Variants in PCDHGA1 observed in about 807,000 individuals in gnomAD.
The protein encoded by PCDHGA1 is protocadherin gamma subfamily A, 1.
PCDHGA1 carries 32 observed loss-of-function variants against 58.0 expected under a neutral mutation model. That is an observed-to-expected ratio of 0.55 (90% CI 0.42 to 0.74). The LOEUF is 0.74. Among genes scored for constraint, PCDHGA1 ranks in the 30% least tolerant of loss-of-function variants. The probability of loss-of-function intolerance (pLI) is 0.00; values close to 1 mark genes in which losing one functional copy is unlikely to be tolerated. For synonymous variants in PCDHGA1, 498 were observed against 501.1 expected (o/e 0.99, Z 0.08); for missense variants, 1,205 against 1,182.3 (o/e 1.02, Z -0.28).
chr5:141,426,676 A>T (rs1209949988), intron 1 of PCDHGA1: 4 of 431,700 alleles, frequency 9.3e-6, no homozygotes, highest in Non-Finnish European at 1.9e-5. Context: ...AACCCACCTC[A>T]TTTTCCCCAA....
chr5:141,419,610 C>T (rs779657777), intron 1 of PCDHGA1: 162 of 1,612,012 alleles, frequency 1.0e-4, no homozygotes, highest in Non-Finnish European at 1.3e-4. Flanking sequence ...GCCGCGCAGC[C>T]AGGCTACCTG....
chr5:141,372,305 C>G, intron 1 of PCDHGA1: 2 of 1,613,260 alleles, frequency 1.2e-6, no homozygotes, highest in South Asian at 1.1e-5. Context: ...ACAGGGAGGC[C>G]GCCCGCCAGC....
Position 141,431,625 on chromosome 5 carries a change from C to T in PCDHGA1, c.2422-63182C>T. The T allele has an allele frequency of 6.2e-7, 1 of 1,614,224 alleles. No individual in the cohort carries two copies. Among genetic ancestry groups the T allele is most frequent in the South Asian group, 1.1e-5 (1 of 91,082 alleles). On this transcript the variant is annotated intron_variant, in intron 1 of 3. Transcript: ENST00000517417. This position sits in a 1 kb window ranked among gnomAD's most constrained non-coding sequence, Gnocchi z 4.8. Reference sequence around the variant, plus strand: ...TTCCGGTATGTGGACGACAAGGCGGCCCAAGTTTTCAAACTAGATTGTAAT... The same window carrying T: ...TTCCGGTATGTGGACGACAAGGCGGTCCAAGTTTTCAAACTAGATTGTAAT...
chr5:141,395,222 A>G, intron 1 of PCDHGA1: 2 of 1,611,606 alleles, frequency 1.2e-6, no homozygotes, highest in Non-Finnish European at 1.7e-6. Flanking sequence ...ATAAGAATGA[A>G]GCTGATCATG....
chr5:141,430,796 C>A, intron 1 of PCDHGA1: 1 of 1,522,232 alleles, frequency 6.6e-7, no homozygotes, highest in Middle Eastern at 1.8e-4. Context: ...CTACAAAGGG[C>A]TTGTCCTGCT....
Position 141,477,864 on chromosome 5 carries a change from G to A in PCDHGA1, c.2422-16943G>A, listed in dbSNP as rs775055164. On this transcript the variant is annotated intron_variant, in intron 1 of 3. Transcript: ENST00000517417. The surrounding 1 kb of genome is among the most constrained non-coding windows in gnomAD (Gnocchi z 4.9). Reference sequence around the variant, plus strand: ...AGCTCGGTGGAGATGCTGCCTCGAGGTACCTCAGCTGGCCACCTAGTGTCA... The same window carrying A: ...AGCTCGGTGGAGATGCTGCCTCGAGATACCTCAGCTGGCCACCTAGTGTCA... 1.2e-6 allele frequency: 2 copies of A among 1,613,122 alleles called. No homozygotes were observed. The highest frequency in any genetic ancestry group is 4.5e-5 in the East Asian group (2 of 44,822).
At chr5:141,376,364 G>T in intron 1 of PCDHGA1, 1 of 1,614,202 alleles carries the variant, frequency 6.2e-7, no homozygotes, top group Non-Finnish European at 8.5e-7. Flanking sequence ...CTCACTCACT[G>T]CAGACTCGCG....
At chr5:141,350,380 C>G in intron 1 of PCDHGA1, 1 of 1,589,508 alleles carries the variant, frequency 6.3e-7, no homozygotes, top group African/African-American at 1.3e-5. Context: ...AGGAGCTAGC[C>G]AACGGCTCAC....
intron 1 of PCDHGA1, among the ~76,000 whole-genome samples, chr5:141,462,361 T>C (rs1354253099): frequency 6.6e-6 from 1 of 152,282 alleles, no homozygotes; most frequent in Non-Finnish European, 1.5e-5. Flanking sequence ...ATACATTGTA[T>C]AGTTTCTATT....
chr5:141,339,651 G>A (rs1756859904), intron 1 of PCDHGA1: 3 of 1,614,166 alleles, frequency 1.9e-6, no homozygotes, highest in South Asian at 2.2e-5. Flanking sequence ...GGCACCTCCC[G>A]CATCTGCGTG....
Position 141,503,999 on chromosome 5 carries a change from C to T in PCDHGA1, c.2481-1394C>T, listed in dbSNP as rs569153055. On this transcript the variant is annotated intron_variant, in intron 2 of 3. Coordinates refer to ENST00000517417, the MANE Select transcript of PCDHGA1 (RefSeq NM_018912.3). Reference sequence around the variant, plus strand: ...AACCCTTCTTCTTACCTTACAGTCACTTAACTGTCTCTGCTGGTCTCTTCC... The same window carrying T: ...AACCCTTCTTCTTACCTTACAGTCATTTAACTGTCTCTGCTGGTCTCTTCC... 2.0e-5 allele frequency among the ~76,000 whole-genome samples: 3 copies of T among 152,286 alleles called. No individual in the cohort carries two copies. The South Asian group carries it at 6.2e-4, about 32-fold the overall frequency.
rs1224625072 is a variant in PCDHGA1, at chr5:141,490,972, C to T, written c.2422-3835C>T. ...AGACTGGGAACACTCAGCCCCCCAG[C>T]GTCTCCCTCGCTCTGCTCCTCCTGG... On this transcript the variant is annotated intron_variant, in intron 1 of 3. Transcript: ENST00000517417. This position sits in a 1 kb window ranked among gnomAD's most constrained non-coding sequence, Gnocchi z 5.4. The T allele has an allele frequency of 1.2e-5, 20 of 1,613,912 alleles. No individual in the cohort carries two copies. Among genetic ancestry groups the T allele is most frequent in the East Asian group, 4.5e-5 (2 of 44,882 alleles).
At chr5:141,492,402 C>A (rs1254310448) in intron 1 of PCDHGA1, among the ~76,000 whole-genome samples, 1 of 152,232 alleles carries the variant, frequency 6.6e-6, no homozygotes, top group African/African-American at 2.4e-5. Flanking sequence ...TCGCAGCTCC[C>A]CTCTGCCGCT....
chr5:141,382,110 G>A (rs1480214134), intron 1 of PCDHGA1, among the ~76,000 whole-genome samples: 1 of 151,982 alleles, frequency 6.6e-6, no homozygotes, highest in Non-Finnish European at 1.5e-5. Context: ...TTACAGGCGT[G>A]AGCAACAGCA....
intron 1 of PCDHGA1, chr5:141,346,467 T>C: frequency 6.2e-7 from 1 of 1,613,966 alleles, no homozygotes; most frequent in Non-Finnish European, 8.5e-7. Flanking sequence ...GGTGAGTTTA[T>C]TTATTTCTTT....
chr5:141,332,937 G>C lies in PCDHGA1; in HGVS notation c.2253G>C (p.Gln751His), dbSNP rs753423477. ...VGVDGVRAFL[Q>H]TYSHEVSLTA... ...TGGACGGGGTTCGGGCTTTCCTGCA[G>C]ACCTATTCCCACGAGGTCTCCCTCA... Residue 751 changes from glutamine (Q) to histidine (H), a missense_variant, in exon 1 of 4, where the codon CAG becomes CAC. By Grantham distance (24) the Gln-to-His change is conservative. Coordinates refer to ENST00000517417, the MANE Select transcript of PCDHGA1 (RefSeq NM_018912.3). The surrounding 1 kb of genome is among the most constrained non-coding windows in gnomAD (Gnocchi z 4.6). The C allele has an allele frequency of 3.1e-6, 5 of 1,614,216 alleles. No homozygotes were observed. The Admixed American group carries it at 8.3e-5, about 27-fold the overall frequency.
At chr5:141,376,697 T>TTTTTTTTTA (rs60911796) in intron 1 of PCDHGA1, 1 of 652,042 alleles carries the variant, frequency 1.5e-6, no homozygotes, top group African/African-American at 2.1e-5. Context: ...TTTTTTTTTT[T>TTTTTTTTTA]GAGACGGAGT....
At chr5:141,363,694 A>G (rs1278422329) in intron 1 of PCDHGA1, among the ~76,000 whole-genome samples, 1 of 152,244 alleles carries the variant, frequency 6.6e-6, no homozygotes, top group African/African-American at 2.4e-5. Context: ...ACTTACATAA[A>G]TCAGTAGGCC....
intron 1 of PCDHGA1, chr5:141,366,697 G>T (rs1220924698): frequency 1.2e-6 from 2 of 1,614,132 alleles, no homozygotes; most frequent in African/African-American, 2.7e-5. Flanking sequence ...AGAAAAGCGA[G>T]CCTCTTCTGA....
Sources: allele counts gnomAD v4.1 joint callset (sites outside exome capture counted in the v4.1 genomes callset), GRCh38; gene constraint gnomAD v4.1.1; non-coding constraint Gnocchi (gnomAD v3.1); transcripts MANE v1.5; gene names NCBI Gene and HGNC (gene_info 2026-07-23, HGNC 2026-07-21).